CELF4: variants seen among roughly 807,000 people sequenced by gnomAD.
CELF4 encodes the protein CUGBP Elav-like family member 4.
In CELF4, 18 loss-of-function variants were observed where a neutral mutation model predicts 59.9. The ratio of observed to expected loss-of-function variants is 0.30; its 90% CI spans 0.21 to 0.45. The LOEUF is 0.45. CELF4 is among the 20% of genes least tolerant of loss of function. CELF4 has a pLI of 1.00. For synonymous variants in CELF4, 261 were observed against 267.1 expected, an observed-to-expected ratio of 0.98 and a Z score of 0.22; for missense variants, 456 against 689.0, an observed-to-expected ratio of 0.66 and a Z score of 3.79.
chr18:37,323,703 G>T (rs888743412), intron 2 of CELF4, among the ~76,000 whole-genome samples: 3 of 152,138 alleles, frequency 2.0e-5, no homozygotes, highest in Non-Finnish European at 4.4e-5. Flanking sequence ...GACTGACCTG[G>T]ACCCAGTTCC....
At chr18:37,508,744 C>T (rs1411795742) in intron 1 of CELF4, among the ~76,000 whole-genome samples, 1 of 152,248 alleles carries the variant, frequency 6.6e-6, no homozygotes, top group Non-Finnish European at 1.5e-5. Flanking sequence ...ATTGGTTGGT[C>T]TCCTTAGCTA....
At chr18:37,479,934 G>T (rs2154602956) in intron 2 of CELF4, among the ~76,000 whole-genome samples, 1 of 152,330 alleles carries the variant, frequency 6.6e-6, no homozygotes, top group African/African-American at 2.4e-5. Context: ...GAAAGATGAT[G>T]CAAAGACACA....
intron 2 of CELF4, among the ~76,000 whole-genome samples, chr18:37,343,954 C>G (rs1342647674): frequency 6.6e-6 from 1 of 152,188 alleles, no homozygotes; most frequent in African/African-American, 2.4e-5. Context: ...CAGGAATGGT[C>G]TCTCTGCAAC....
chr18:37,407,595 GTA>G lies in CELF4; in HGVS notation c.369+77928_369+77929del, dbSNP rs142573082. Among the ~76,000 whole-genome samples, 14 of 95,630 alleles carry G rather than the reference GTA, an allele frequency of 1.5e-4. No individual in the cohort carries two copies. In the East Asian group the frequency reaches 5.1e-3, roughly 35 times the overall value. 62.7% of individuals were successfully genotyped at this position (95,630 alleles called of 152,430 possible). A position where few individuals can be genotyped will look rare whatever the true frequency, so the allele number is the denominator to read the frequency against. On this transcript the variant is annotated intron_variant, in intron 2 of 12. Coordinates refer to ENST00000420428, the MANE Select transcript of CELF4 (RefSeq NM_020180.4). ...TGTGTGTATGTGTGTGGGTATATGTGTATATATATACACACATATACCCACAC... is the reference window on the plus strand; with the variant it reads ...TGTGTGTATGTGTGTGGGTATATGTGTATATATACACACATATACCCACAC...
chr18:37,340,985 G>T (rs577515895), intron 2 of CELF4, among the ~76,000 whole-genome samples: 1 of 152,330 alleles, frequency 6.6e-6, no homozygotes, highest in South Asian at 2.1e-4. Flanking sequence ...ATTCATACAG[G>T]AAATGCCTAA....
intron 3 of CELF4, among the ~76,000 whole-genome samples, chr18:37,284,005 C>T (rs114355443): frequency 0.014 from 602 of 43,266 alleles, 36 homozygotes; most frequent in African/African-American, 0.066. Context: ...ACAAACCCAA[C>T]CACTCAACAT....
intron 3 of CELF4, among the ~76,000 whole-genome samples, chr18:37,302,316 T>C (rs1255096368): frequency 6.6e-6 from 1 of 152,150 alleles, no homozygotes; most frequent in African/African-American, 2.4e-5. Flanking sequence ...AATTCCTGTC[T>C]GTATCCACAC....
At chr18:37,359,724 T>A (rs1252165686) in intron 2 of CELF4, among the ~76,000 whole-genome samples, 2 of 152,138 alleles carry the variant, frequency 1.3e-5, no homozygotes, top group African/African-American at 4.8e-5. Context: ...AATTTTTGTA[T>A]TTTTAGTAGA....
intron 8 of CELF4, among the ~76,000 whole-genome samples, chr18:37,270,418 C>A (rs903938969): frequency 3.9e-5 from 6 of 152,240 alleles, no homozygotes; most frequent in Non-Finnish European, 8.8e-5. Context: ...TTTCTATCCC[C>A]TTACTTCTTG....
At chr18:37,342,271 G>A (rs1013731873) in intron 2 of CELF4, among the ~76,000 whole-genome samples, 1 of 147,268 alleles carries the variant, frequency 6.8e-6, no homozygotes, top group Non-Finnish European at 1.5e-5. Context: ...ACACACGCTG[G>A]GCACATGGCA....
intron 1 of CELF4, among the ~76,000 whole-genome samples, chr18:37,523,432 GT>G (rs1417588253): frequency 6.6e-6 from 1 of 152,198 alleles, no homozygotes; most frequent in African/African-American, 2.4e-5. Flanking sequence ...TACCTGCCAT[GT>G]GTCCCTAACC....
At chr18:37,269,318 T>G (rs2089989751) in intron 8 of CELF4, among the ~76,000 whole-genome samples, 2 of 152,172 alleles carry the variant, frequency 1.3e-5, no homozygotes, top group African/African-American at 4.8e-5. Flanking sequence ...GAATGGGGAA[T>G]GGGATTAAGG....
At chr18:37,401,187 AG>A in intron 2 of CELF4, among the ~76,000 whole-genome samples, 1 of 152,334 alleles carries the variant, frequency 6.6e-6, no homozygotes, top group South Asian at 2.1e-4. Context: ...GGTTGTAGGT[AG>A]GTCTTCTTCA....
intron 9 of CELF4, 150 bp downstream of exon 9, chr18:37,266,383 A>G: frequency 2.5e-6 from 2 of 812,988 alleles, no homozygotes; most frequent in African/African-American, 1.7e-5. Flanking sequence ...GGCAGCCTGG[A>G]GGGTCTCTGC....
chr18:37,481,628 C>T (rs1255298324), intron 2 of CELF4, among the ~76,000 whole-genome samples: 1 of 152,218 alleles, frequency 6.6e-6, no homozygotes, highest in Non-Finnish European at 1.5e-5. Flanking sequence ...CTCTCCTGCC[C>T]TGTGTGAGTC....
intron 2 of CELF4, among the ~76,000 whole-genome samples, chr18:37,455,069 A>G (rs2099774528): frequency 6.6e-6 from 1 of 152,184 alleles, no homozygotes; most frequent in African/African-American, 2.4e-5. Flanking sequence ...AAAAAAATCC[A>G]CATTCAAATG....
At chr18:37,369,013 G>A (rs931058108) in intron 2 of CELF4, among the ~76,000 whole-genome samples, 4 of 152,184 alleles carry the variant, frequency 2.6e-5, no homozygotes, top group African/African-American at 7.2e-5. Flanking sequence ...GTGCTTGCTT[G>A]GGCAGCTCTA....
At chr18:37,369,830 C>A (rs989087784) in intron 2 of CELF4, among the ~76,000 whole-genome samples, 1 of 152,232 alleles carries the variant, frequency 6.6e-6, no homozygotes, top group African/African-American at 2.4e-5. Context: ...CTCTCTGTGC[C>A]CAGCCAGCAC....
intron 2 of CELF4, among the ~76,000 whole-genome samples, chr18:37,368,865 G>T (rs1227649473): frequency 2.6e-5 from 4 of 152,224 alleles, no homozygotes; most frequent in Admixed American, 1.3e-4. Flanking sequence ...TGCACCATTT[G>T]TGTGCAAACA....
Sources: allele counts gnomAD v4.1 joint callset (sites outside exome capture counted in the v4.1 genomes callset), GRCh38; gene constraint gnomAD v4.1.1; transcripts MANE v1.5; gene names NCBI Gene and HGNC (gene_info 2026-07-23, HGNC 2026-07-21).